The following UHRF2 variants were observed in gnomAD, a reference collection of about 807,000 sequenced individuals.
UHRF2 encodes E3 ubiquitin-protein ligase UHRF2.
In UHRF2, 23 loss-of-function variants were observed where a neutral mutation model predicts 96.8. The observed-to-expected ratio is 0.24, with a 90% confidence interval of 0.17 to 0.34. The LOEUF (loss-of-function observed/expected upper bound fraction) is 0.34, where lower values mean the gene tolerates loss of function less well. Among genes scored for constraint, UHRF2 ranks in the 10% least tolerant of loss-of-function variants. UHRF2 has a pLI of 1.00. For synonymous variants in UHRF2, 385 were observed against 332.6 expected, an observed-to-expected ratio of 1.16 and a Z score of -1.72; for missense variants, 685 against 981.5, an observed-to-expected ratio of 0.70 and a Z score of 4.04.
At chr9:6,430,409 C>T (rs560459569) in intron 2 of UHRF2, among the ~76,000 whole-genome samples, 13 of 152,136 alleles carry the variant, frequency 8.5e-5, no homozygotes, top group Admixed American at 3.3e-4. Flanking sequence ...TTCAACTCCT[C>T]TCCTCCCCAT....
chr9:6,427,972 G>C (rs777624018), intron 2 of UHRF2, among the ~76,000 whole-genome samples: 1 of 152,184 alleles, frequency 6.6e-6, no homozygotes, highest in Non-Finnish European at 1.5e-5. Flanking sequence ...TTTAATTTTG[G>C]TTTTTGTGTA....
In UHRF2 at chr9:6,465,104, T is replaced by G. The variant is rs569966747; in HGVS notation, c.863+4313T>G. ...TCACCAGTTGGGCCCTGAATTACAT[T>G]GTTGAAAATAAGTAGTGATAACAGG... On this transcript the variant is annotated intron_variant, in intron 4 of 15. Coordinates refer to ENST00000276893, the MANE Select transcript of UHRF2 (RefSeq NM_152896.3). 2.6e-5 allele frequency among the ~76,000 whole-genome samples: 4 copies of G among 152,298 alleles called. No homozygotes were observed. In the East Asian group the frequency reaches 5.8e-4, roughly 22 times the overall value.
chr9:6,498,199 A>C (rs1295862148), intron 12 of UHRF2, 41 bp downstream of exon 12: 1 of 1,597,140 alleles, frequency 6.3e-7, no homozygotes, highest in Non-Finnish European at 8.5e-7. Flanking sequence ...TGTTCATAAA[A>C]ATATACACCT....
chr9:6,463,186 C>T (rs1822652722), intron 4 of UHRF2, among the ~76,000 whole-genome samples: 1 of 151,962 alleles, frequency 6.6e-6, no homozygotes, highest in South Asian at 2.1e-4. Context: ...AAGGCTGAGG[C>T]AGGAGAATCA....
At chr9:6,440,884 T>A (rs1247868927) in intron 3 of UHRF2, among the ~76,000 whole-genome samples, 1 of 152,198 alleles carries the variant, frequency 6.6e-6, no homozygotes, top group Non-Finnish European at 1.5e-5. Context: ...GGGAGCCCCC[T>A]TCCCTCTCCC....
chr9:6,424,406 C>T (rs1253949652), intron 2 of UHRF2, among the ~76,000 whole-genome samples: 1 of 152,144 alleles, frequency 6.6e-6, no homozygotes, highest in East Asian at 1.9e-4. Context: ...CACTGAAAGC[C>T]AACTTGCCAT....
intron 1 of UHRF2, among the ~76,000 whole-genome samples, chr9:6,414,955 CT>C (rs1819504983): frequency 1.3e-5 from 2 of 152,190 alleles, no homozygotes; most frequent in African/African-American, 4.8e-5. Context: ...TAATTGTACA[CT>C]TGTTAAATAC....
chr9:6,484,785 C>CTTTTTTTTTTTTTTTTTTT (rs34815980), intron 8 of UHRF2: 1 of 66,280 alleles, frequency 1.5e-5, no homozygotes, highest in Non-Finnish European at 2.7e-5. Context: ...TCACTTCTTT[C>CTTTTTTTTTTTTTTTTTTT]TTTTTTTTTT....
intron 14 of UHRF2, 36 bp downstream of exon 14, chr9:6,500,745 T>C (rs1318657491): frequency 1.3e-6 from 2 of 1,553,662 alleles, no homozygotes; most frequent in Non-Finnish European, 1.7e-6. Flanking sequence ...AACATTCTGA[T>C]ATTAACAAAT....
intron 3 of UHRF2, 120 bp downstream of exon 3, chr9:6,434,293 T>G: frequency 1.6e-6 from 2 of 1,285,018 alleles, no homozygotes; most frequent in Non-Finnish European, 1.0e-6. Flanking sequence ...TTATGTTCAT[T>G]TGTTACTTTT....
At chr9:6,460,450 A>G (rs1822467999) in intron 3 of UHRF2, 123 bp from the exon 4 acceptor site, 1 of 760,152 alleles carries the variant, frequency 1.3e-6, no homozygotes, top group African/African-American at 1.8e-5. Flanking sequence ...ATTTAAGGAC[A>G]CTTCAACCTA....
In UHRF2 at chr9:6,477,764, C is replaced by T. The variant is rs1390074140; in HGVS notation, c.1116C>T (p.Tyr372=). ...AATGTAATGTGGCTTATCATATTTA[C>T]TGTCTGAATCCACCTTTGGATAAAG... ...CDECNVAYHI[Y]CLNPPLDKVP... is the part of the protein sequence containing the mutation. Residue 372 remains tyrosine (Y), a synonymous_variant, in exon 6 of 16, where the codon TAC becomes TAT. Coordinates refer to ENST00000276893, the MANE Select transcript of UHRF2 (RefSeq NM_152896.3). The T allele has an allele frequency of 6.2e-7, 1 of 1,613,276 alleles. No homozygotes were observed. The highest frequency in any genetic ancestry group is 8.5e-7 in the Non-Finnish European group (1 of 1,179,498).
intron 10 of UHRF2, chr9:6,494,262 AG>A: frequency 4.5e-6 from 1 of 224,096 alleles, no homozygotes; most frequent in Non-Finnish European, 8.7e-6. Flanking sequence ...CAAAGCTAAA[AG>A]TGACAAACTC....
intron 9 of UHRF2, chr9:6,492,431 G>A: frequency 1.1e-6 from 1 of 892,372 alleles, no homozygotes; most frequent in Non-Finnish European, 1.4e-6. Context: ...CCTTCTCATA[G>A]AATACATACT....
intron 4 of UHRF2, among the ~76,000 whole-genome samples, chr9:6,475,077 A>C (rs1451140666): frequency 6.6e-6 from 1 of 152,216 alleles, no homozygotes; most frequent in African/African-American, 2.4e-5. Flanking sequence ...ATTTAACAGG[A>C]AGTTATTTAA....
intron 11 of UHRF2, 60 bp downstream of exon 11, chr9:6,497,420 G>A: frequency 1.3e-6 from 2 of 1,584,258 alleles, no homozygotes; most frequent in South Asian, 1.2e-5. Context: ...AGGCAGGGTT[G>A]TTGCAAGGAA....
intron 4 of UHRF2, among the ~76,000 whole-genome samples, chr9:6,471,905 C>A (rs1029880469): frequency 1.3e-5 from 2 of 152,040 alleles, no homozygotes; most frequent in Non-Finnish European, 2.9e-5. Flanking sequence ...AAAAGGAGTC[C>A]GGTTAGAAAT....
At chr9:6,443,228 C>G (rs1292995792) in intron 3 of UHRF2, among the ~76,000 whole-genome samples, 1 of 152,114 alleles carries the variant, frequency 6.6e-6, no homozygotes, top group Non-Finnish European at 1.5e-5. Flanking sequence ...TAGTGAAGCC[C>G]AAATTAAAGT....
At chr9:6,442,804 A>C (rs933060390) in intron 3 of UHRF2, among the ~76,000 whole-genome samples, 3 of 152,120 alleles carry the variant, frequency 2.0e-5, no homozygotes, top group Non-Finnish European at 2.9e-5. Flanking sequence ...CACGAACTTC[A>C]TGATGATATG....
Sources: gnomAD v4.1 joint callset for allele counts (sites outside exome capture counted in the v4.1 genomes callset) on GRCh38, gnomAD v4.1.1 for gene constraint, MANE v1.5 for transcripts, NCBI Gene and HGNC (gene_info 2026-07-23, HGNC 2026-07-21) for gene names.